Variants in IGF2R observed in about 807,000 individuals in gnomAD.
IGF2R encodes the protein insulin like growth factor 2 receptor, also known as cation-independent mannose-6-phosphate receptor.
A neutral mutation model predicts 270.6 loss-of-function variants in IGF2R; 91 were observed. That is an observed-to-expected ratio of 0.34 (90% CI 0.28 to 0.40). The LOEUF is 0.40. IGF2R is among the 10% of genes least tolerant of loss of function. IGF2R has a pLI of 1.00. For missense variants in IGF2R, 2,805 were observed against 3,188.3 expected (o/e 0.88, Z 2.90); for synonymous variants, 1,316 against 1,258.9 (o/e 1.05, Z -0.96).
rs1388489632 is a variant in IGF2R, at chr6:160,102,107, G to T, written c.6843-412G>T. On this transcript the variant is annotated intron_variant, in intron 45 of 47. Coordinates refer to ENST00000356956, the MANE Select transcript of IGF2R (RefSeq NM_000876.4). This position sits in a 1 kb window ranked among gnomAD's most constrained non-coding sequence, Gnocchi z 4.5. ...TGTCTCATGGTGGGCTGCGCTCACT[G>T]CTTCCAGAAGAAATTCTGAGAGGAA... Among the ~76,000 whole-genome samples the T allele has an allele frequency of 3.9e-5, 6 of 152,224 alleles. No individual in the cohort carries two copies. The highest frequency in any genetic ancestry group is 8.8e-5 in the Non-Finnish European group (6 of 68,046).
rs184653698 is a variant in IGF2R at position 159,996,814 on chromosome 6, C to T, written c.289+5491C>T. Among the ~76,000 whole-genome samples the T allele has an allele frequency of 1.3e-4, 20 of 152,298 alleles. No homozygotes were observed. In the East Asian group the frequency reaches 1.9e-3, roughly 15 times the overall value. ...CATTTGTAGCTCTCCTGCTCTTTGC[C>T]GCAGGAATGCTGTGGGTCCGTGTAG... is the stretch of plus-strand genomic sequence containing the variant. On this transcript the variant is annotated intron_variant, in intron 2 of 47. Coordinates refer to ENST00000356956, the MANE Select transcript of IGF2R (RefSeq NM_000876.4).
At chr6:160,055,386 TGTC>T (rs1778289933) in intron 19 of IGF2R, among the ~76,000 whole-genome samples, 1 of 152,184 alleles carries the variant, frequency 6.6e-6, no homozygotes, top group Admixed American at 6.5e-5. Flanking sequence ...TTCACATTGT[TGTC>T]GTGTCTCTCA....
chr6:159,973,092 G>T (rs1783635084), intron 1 of IGF2R, among the ~76,000 whole-genome samples: 1 of 152,114 alleles, frequency 6.6e-6, no homozygotes, highest in African/African-American at 2.4e-5. Flanking sequence ...AAGACCTGGG[G>T]CAGGAAGGAG....
intron 4 of IGF2R, among the ~76,000 whole-genome samples, chr6:160,023,610 T>C (rs1276624386): frequency 1.3e-5 from 2 of 152,178 alleles, no homozygotes; most frequent in African/African-American, 4.8e-5. Flanking sequence ...GTGGGGAAGC[T>C]GAGGCATGGA....
At chr6:160,078,902 C>T (rs1379920374) in intron 37 of IGF2R, among the ~76,000 whole-genome samples, 1 of 152,142 alleles carries the variant, frequency 6.6e-6, no homozygotes, top group Non-Finnish European at 1.5e-5. Context: ...CTTTGGGCTG[C>T]TGGTCTTACT....
chr6:160,009,184 G>T (rs770960676), intron 3 of IGF2R, 50 bp downstream of exon 3: 4 of 1,524,372 alleles, frequency 2.6e-6, no homozygotes, highest in Non-Finnish European at 3.6e-6. Flanking sequence ...AAAAAGGTCT[G>T]CCCCTTGGTG....
At chr6:160,042,989 C>G (rs1348814549) in intron 11 of IGF2R, among the ~76,000 whole-genome samples, 159 bp from the exon 12 acceptor site, 1 of 152,094 alleles carries the variant, frequency 6.6e-6, no homozygotes, top group Non-Finnish European at 1.5e-5. Flanking sequence ...AATTTTTGTG[C>G]TTTCAGTCTG....
In IGF2R at chr6:160,059,110, G is replaced by C; in HGVS notation, c.3091+12G>C. 6.2e-7 allele frequency: 1 copy of C among 1,609,996 alleles called. No individual in the cohort carries two copies. Among genetic ancestry groups the C allele is most frequent in the Non-Finnish European group, 8.5e-7 (1 of 1,177,596 alleles). ...TCTCTCTGCCAAAGGTGAGCTCAGA[G>C]CCATGTTGTTTTGTAGCTAAAAAGG... On this transcript the variant is annotated intron_variant, in intron 22 of 47. Coordinates refer to ENST00000356956, the MANE Select transcript of IGF2R (RefSeq NM_000876.4).
Position 159,969,261 on chromosome 6 carries a change from C to G in IGF2R, c.15C>G (p.Ala5=). ...GGCCCGGCGCGATGGGGGCCGCCGC[C>G]GGCCGGAGCCCCCACCTGGGGCCCG... MGAA[A]GRSPHLGPAP... The change falls in exon 1 of 48, where the codon GCC becomes GCG. Residue 5 remains alanine (A), a synonymous_variant. Coordinates refer to ENST00000356956, the MANE Select transcript of IGF2R (RefSeq NM_000876.4). 2 of 1,086,880 alleles carry G rather than the reference C, an allele frequency of 1.8e-6. No individual in the cohort carries two copies. The highest frequency in any genetic ancestry group is 2.2e-6 in the Non-Finnish European group (2 of 898,904). The allele number at this position is 1,086,880 out of a possible 1,614,324, so 67.3% of individuals were successfully genotyped here. A position where few individuals can be genotyped will look rare whatever the true frequency, so the allele number is the denominator to read the frequency against.
chr6:160,054,528 A>G (rs973669306), intron 19 of IGF2R, among the ~76,000 whole-genome samples: 1 of 152,192 alleles, frequency 6.6e-6, no homozygotes, highest in African/African-American at 2.4e-5. Flanking sequence ...TGATACCAGC[A>G]GCAGAGTCTT....
At chr6:159,984,273 C>T (rs1583241851) in intron 1 of IGF2R, among the ~76,000 whole-genome samples, 1 of 152,246 alleles carries the variant, frequency 6.6e-6, no homozygotes, top group Non-Finnish European at 1.5e-5. Flanking sequence ...TGAAGCTGAA[C>T]AATTCTTATC....
intron 2 of IGF2R, among the ~76,000 whole-genome samples, chr6:159,999,507 A>T (rs1435160081): frequency 1.3e-5 from 2 of 152,166 alleles, no homozygotes; most frequent in Non-Finnish European, 1.5e-5. Flanking sequence ...CATCAGACAG[A>T]TTGGAGCTGA....
intron 44 of IGF2R, 61 bp downstream of exon 44, chr6:160,090,164 T>C: frequency 8.2e-7 from 1 of 1,220,270 alleles, no homozygotes; most frequent in Admixed American, 3.1e-5. Context: ...GGGATTAAAA[T>C]TTTCAACTAA....
intron 10 of IGF2R, among the ~76,000 whole-genome samples, chr6:160,039,062 CAT>C (rs1777885725): frequency 2.0e-5 from 3 of 152,172 alleles, no homozygotes; most frequent in African/African-American, 7.2e-5. Context: ...TTAATATAGT[CAT>C]GTGTTGCTTA....
chr6:159,993,809 T>A (rs919743168), intron 2 of IGF2R, among the ~76,000 whole-genome samples: 1 of 152,126 alleles, frequency 6.6e-6, no homozygotes, highest in Non-Finnish European at 1.5e-5. Flanking sequence ...TGCAGATTGC[T>A]TTGGGCATTA....
chr6:160,070,300 A>G (rs1778689352), intron 31 of IGF2R, among the ~76,000 whole-genome samples: 1 of 152,146 alleles, frequency 6.6e-6, no homozygotes, highest in Admixed American at 6.5e-5. Flanking sequence ...TTCTCTTCAG[A>G]GTTTGACTCA....
In IGF2R at chr6:160,072,883, G is replaced by C; in HGVS notation, c.4689G>C (p.Val1563=). The change falls in exon 33 of 48, where the codon GTG becomes GTC. Residue 1563 remains valine, a splice_region_variant and synonymous_variant. Coordinates refer to ENST00000356956, the MANE Select transcript of IGF2R (RefSeq NM_000876.4). ...AGAATGAAAACTGCCCTCCTGGCGT[G>C]GGTGAGTGCTGTGGTCTCTCGTGTG... ...CGENENCPPG[V]GACFGQTRIS... 6.2e-7 allele frequency: 1 copy of C among 1,611,110 alleles called. No individual in the cohort carries two copies.
chr6:160,010,912 T>A (rs1016291238), intron 4 of IGF2R, 127 bp downstream of exon 4: 1 of 590,788 alleles, frequency 1.7e-6, no homozygotes, highest in Admixed American at 3.0e-5. Flanking sequence ...TGAGCAGAGA[T>A]ACCATGTGAT....
At chr6:159,990,323 C>A (rs1159974686) in intron 1 of IGF2R, among the ~76,000 whole-genome samples, 1 of 152,070 alleles carries the variant, frequency 6.6e-6, no homozygotes, top group Non-Finnish European at 1.5e-5. Flanking sequence ...GCAATTGAAT[C>A]ATGGGGGCGG....
Sources: gnomAD v4.1 joint callset for allele counts (sites outside exome capture counted in the v4.1 genomes callset) on GRCh38, gnomAD v4.1.1 for gene constraint, Gnocchi (gnomAD v3.1) non-coding constraint, MANE v1.5 for transcripts, NCBI Gene and HGNC (gene_info 2026-07-23, HGNC 2026-07-21) for gene names.